Variants in NOS2 observed in about 807,000 individuals in gnomAD.
NOS2 encodes nitric oxide synthase, inducible.
Under a neutral mutation model 136.0 loss-of-function variants are expected in NOS2, and 96 were observed. The observed-to-expected ratio is 0.71, with a 90% confidence interval of 0.60 to 0.84. The LOEUF (loss-of-function observed/expected upper bound fraction) is 0.84. Ranked by LOEUF, NOS2 falls within the 40% of genes least tolerant of loss-of-function variation. The probability of loss-of-function intolerance (pLI) is 0.00; values close to 1 mark genes in which losing one functional copy is unlikely to be tolerated. For synonymous variants in NOS2, 539 were observed against 587.5 expected (o/e 0.92, Z 1.20); for missense variants, 1,237 against 1,496.9 (o/e 0.83, Z 2.87).
In NOS2 at chr17:27,778,980, C is replaced by T. The variant is rs780524247; in HGVS notation, c.1081G>A (p.Gly361Ser). 30 of 1,612,598 alleles carry T rather than the reference C, an allele frequency of 1.9e-5. No individual in the cohort carries two copies. Among genetic ancestry groups the T allele is most frequent in the Non-Finnish European group, 2.4e-5 (28 of 1,179,032 alleles). Residue 361 changes from glycine (G) to serine (S), a missense_variant, in exon 10 of 27, where the codon GGC (glycine) becomes AGC (serine). Transcript: ENST00000313735. The part of the protein sequence containing the change: ...AVANMLLEVG[G>S]LEFPGCPFNG... ...AAGGGGCACCCTGGGAACTCCAGGC[C>T]GCCCACCTCAAGCAGCATGTTGGCC...
At chr17:27,788,956 T>A in intron 3 of NOS2, 25 bp from the exon 4 acceptor site, 1 of 1,610,800 alleles carries the variant, frequency 6.2e-7, no homozygotes, top group Non-Finnish European at 8.5e-7. Context: ...AACAGGGTTT[T>A]CTCTCAGGTC....
intron 16 of NOS2, 61 bp from the exon 17 acceptor site, chr17:27,769,212 C>A: frequency 6.7e-7 from 1 of 1,493,040 alleles, no homozygotes; most frequent in South Asian, 1.3e-5. Context: ...CACCCAGCAC[C>A]CAGCACCAAC....
chr17:27,762,755 T>C, intron 22 of NOS2, 43 bp downstream of exon 22: 1 of 1,360,808 alleles, frequency 7.3e-7, no homozygotes. Flanking sequence ...TGTCCAATAA[T>C]GGGCGGAGCG....
intron 18 of NOS2, among the ~76,000 whole-genome samples, chr17:27,767,472 C>T (rs1483945887): frequency 2.0e-5 from 3 of 152,266 alleles, no homozygotes; most frequent in African/African-American, 2.4e-5. Flanking sequence ...ACACAGTAGG[C>T]CCTTGGCGGA....
At chr17:27,759,772 G>GC (rs1235446057) in intron 25 of NOS2, among the ~76,000 whole-genome samples, 1 of 152,196 alleles carries the variant, frequency 6.6e-6, no homozygotes, top group African/African-American at 2.4e-5. Flanking sequence ...CAGGGGGCCT[G>GC]CTGGGGACCT....
rs1010627204 is a variant in NOS2, at chr17:27,798,969, G to A, written c.-73-87C>T. 75 of 609,030 alleles carry A rather than the reference G, an allele frequency of 1.2e-4. No individual in the cohort carries two copies. The East Asian group carries it at 1.8e-3, about 15-fold the overall frequency. 37.7% of individuals were successfully genotyped at this position (609,030 alleles called of 1,614,324 possible). ...AGTGGGGTTGGCTCACTGGGGAATCGATATGAACGCCAGCATGAGCCCCTT... is the reference window on the plus strand; with the variant it reads ...AGTGGGGTTGGCTCACTGGGGAATCAATATGAACGCCAGCATGAGCCCCTT... On this transcript the variant is annotated intron_variant, in intron 1 of 26. Transcript: ENST00000313735.
chr17:27,771,986 C>G (rs1908509891), intron 14 of NOS2, among the ~76,000 whole-genome samples: 1 of 152,244 alleles, frequency 6.6e-6, no homozygotes, highest in Non-Finnish European at 1.5e-5. Flanking sequence ...TTCCCCCTTT[C>G]ACATGCAGCA....
rs780132254 is a variant in NOS2, at chr17:27,773,246, T to TCAGAAAAGA, written c.1477-12_1477-4dup. The TCAGAAAAGA allele has an allele frequency of 6.2e-7, 1 of 1,611,766 alleles. No individual in the cohort carries two copies. Among genetic ancestry groups the TCAGAAAAGA allele is most frequent in the Admixed American group, 1.7e-5 (1 of 59,550 alleles). On this transcript the variant is annotated splice_region_variant and splice_polypyrimidine_tract_variant and intron_variant, in intron 12 of 26. Coordinates refer to ENST00000313735, the MANE Select transcript of NOS2 (RefSeq NM_000625.4). ...ACATGGGTTTTCCAGGCCTCTACCTTCAGAAAAGAAAGGAGATGTGAGGGC... is the reference window on the plus strand; with the variant it reads ...ACATGGGTTTTCCAGGCCTCTACCTTCAGAAAAGACAGAAAAGAAAGGAGATGTGAGGGC...
chr17:27,786,612 G>A (rs779270802), intron 5 of NOS2, among the ~76,000 whole-genome samples: 1 of 152,202 alleles, frequency 6.6e-6, no homozygotes, highest in African/African-American at 2.4e-5. Flanking sequence ...TAATACTTAT[G>A]TCGTGCTTAC....
At chr17:27,791,379 A>C (rs1264889216) in intron 2 of NOS2, among the ~76,000 whole-genome samples, 1 of 152,154 alleles carries the variant, frequency 6.6e-6, no homozygotes, top group African/African-American at 2.4e-5. Context: ...GTTTAACAAG[A>C]ACCCTCCATC....
chr17:27,794,914 C>A (rs573711553), intron 2 of NOS2, among the ~76,000 whole-genome samples: 21 of 152,304 alleles, frequency 1.4e-4, no homozygotes, highest in Non-Finnish European at 1.8e-4. Context: ...ACGGCTGCTT[C>A]CTCTTCCAGT....
intron 11 of NOS2, among the ~76,000 whole-genome samples, chr17:27,777,106 G>C (rs1908682771): frequency 6.6e-6 from 1 of 152,184 alleles, no homozygotes; most frequent in Non-Finnish European, 1.5e-5. Flanking sequence ...GGCTCTTCCT[G>C]TTCCATCTTC....
Position 27,758,913 on chromosome 17 carries a change from C to G in NOS2, c.3322G>C (p.Glu1108Gln). 2 of 1,609,816 alleles carry G rather than the reference C, an allele frequency of 1.2e-6. No individual in the cohort carries two copies. The highest frequency in any genetic ancestry group is 1.7e-6 in the Non-Finnish European group (2 of 1,178,164). ...TGAAAGAAATAGTCCTCGACCTGCT[C>G]CTCATTCAATTTCAGCTTGGCAGCC... ...LVAAKLKLNE[E>Q]QVEDYFFQLK... Residue 1108 changes from glutamate (E) to glutamine (Q), a missense_variant, in exon 26 of 27, where the codon GAG becomes CAG. Transcript: ENST00000313735.
At chr17:27,787,436 G>A (rs1378208238) in intron 5 of NOS2, among the ~76,000 whole-genome samples, 4 of 152,120 alleles carry the variant, frequency 2.6e-5, no homozygotes, top group Non-Finnish European at 5.9e-5. Flanking sequence ...CGGGAGCCAG[G>A]GTTCGAATTC....
At chr17:27,768,870 G>A in intron 17 of NOS2, 107 bp downstream of exon 17, 15 of 1,240,928 alleles carry the variant, frequency 1.2e-5, no homozygotes, top group Non-Finnish European at 1.5e-5. Context: ...ACATCTACAG[G>A]ACCACAGGCA....
intron 5 of NOS2, among the ~76,000 whole-genome samples, chr17:27,786,548 C>T (rs1386422054): frequency 1.3e-5 from 2 of 152,264 alleles, no homozygotes; most frequent in Admixed American, 1.3e-4. Context: ...GCCTAAATTA[C>T]ATAGCCACAT....
Position 27,758,986 on chromosome 17 carries a change from C to T in NOS2, c.3249G>A (p.Gly1083=), listed in dbSNP as rs760820548. 1 of 1,613,010 alleles carries T rather than the reference C, an allele frequency of 6.2e-7. No individual in the cohort carries two copies. Among genetic ancestry groups the T allele is most frequent in the African/African-American group, 1.3e-5 (1 of 74,946 alleles). The change falls in exon 26 of 27, where the codon GGG becomes GGA. Residue 1083 remains glycine (G), a synonymous_variant. Transcript: ENST00000313735. The part of the protein sequence containing the change: ...HKEPGHLYVC[G]DVRMARDVAH... ...CCACGTCCCGGGCCATGCGCACATC[C>T]CCGCAAACATAGAGGTGGCCTGGCT...
chr17:27,779,457 C>T (rs2151331020), intron 9 of NOS2, among the ~76,000 whole-genome samples: 1 of 151,972 alleles, frequency 6.6e-6, no homozygotes, highest in Middle Eastern at 3.4e-3. Context: ...GGGGGCTTCA[C>T]TTTTGCACCT....
At position 27,761,169 on chromosome 17, in the gene NOS2, C is replaced by T. The variant is rs199615428; in HGVS notation, c.2863G>A (p.Asp955Asn). 1.9e-6 allele frequency: 3 copies of T among 1,607,998 alleles called. No homozygotes were observed. In the East Asian group the frequency reaches 6.7e-5, roughly 36 times the overall value. Residue 955 changes from aspartate to asparagine, a missense_variant, in exon 23 of 27, where the codon GAC becomes AAC. This residue lies in a region of NOS2 where 782 missense variants were observed against 909.9 expected (regional missense o/e 0.86). Coordinates refer to ENST00000313735, the MANE Select transcript of NOS2 (RefSeq NM_000625.4). ...TTCCGCACAAAGCAGGGCACTGGGT[C>T]TTGGGGCTTCAGGCTGTTGAGCCAT... The part of the protein sequence containing the change: ...STWLNSLKPQ[D>N]PVPCFVRNAS...
Sources: gnomAD v4.1 joint callset for allele counts (sites outside exome capture counted in the v4.1 genomes callset) on GRCh38, gnomAD v4.1.1 for gene constraint, gnomAD v4.1.1 regional missense constraint, MANE v1.5 for transcripts, NCBI Gene and HGNC (gene_info 2026-07-23, HGNC 2026-07-21) for gene names.